ZNF385D: variants seen among roughly 807,000 people sequenced by gnomAD.
ZNF385D encodes the protein zinc finger protein 659.
A neutral mutation model predicts 35.8 loss-of-function variants in ZNF385D; 15 were observed. The ratio of observed to expected loss-of-function variants is 0.42; its 90% CI spans 0.28 to 0.64. ZNF385D has a LOEUF of 0.64. Among genes scored for constraint, ZNF385D ranks in the 30% least tolerant of loss-of-function variants. ZNF385D has a pLI of 0.23. For synonymous variants in ZNF385D, 212 were observed against 186.8 expected (o/e 1.13, Z -1.10); for missense variants, 474 against 494.6 (o/e 0.96, Z 0.39).
intron 3 of ZNF385D, among the ~76,000 whole-genome samples, chr3:22,073,857 T>C (rs1700342182): frequency 6.6e-6 from 1 of 152,004 alleles, no homozygotes; most frequent in Non-Finnish European, 1.5e-5. Context: ...CATTTTCTCT[T>C]TTATAAAACA....
At chr3:21,720,188 G>C (rs538696520) in intron 1 of ZNF385D, among the ~76,000 whole-genome samples, 1 of 152,300 alleles carries the variant, frequency 6.6e-6, no homozygotes, top group Non-Finnish European at 1.5e-5. Context: ...CCAAGGCTGA[G>C]AGCCACTGGC....
At chr3:21,431,674 A>T (rs1701300050) in intron 5 of ZNF385D, among the ~76,000 whole-genome samples, 1 of 152,142 alleles carries the variant, frequency 6.6e-6, no homozygotes. Flanking sequence ...TTTCATCATC[A>T]TTTGTAGAAA....
intron 2 of ZNF385D, among the ~76,000 whole-genome samples, chr3:21,565,004 T>C (rs1467115451): frequency 1.3e-5 from 2 of 152,214 alleles, no homozygotes; most frequent in African/African-American, 2.4e-5. Flanking sequence ...ATTCAAGTTA[T>C]TGCTAATGCC....
intron 1 of ZNF385D, among the ~76,000 whole-genome samples, chr3:21,686,481 A>G (rs1271918670): frequency 6.6e-6 from 1 of 152,248 alleles, no homozygotes; most frequent in Non-Finnish European, 1.5e-5. Context: ...TGAGTCACAT[A>G]TGCATTTTTG....
chr3:21,829,994 G>A (rs1375002561), intron 3 of ZNF385D, among the ~76,000 whole-genome samples: 1 of 151,846 alleles, frequency 6.6e-6, no homozygotes, highest in African/African-American at 2.4e-5. Context: ...CCTGATGGCA[G>A]GCGCCTTTAA....
chr3:21,843,986 A>G (rs1247277760), intron 3 of ZNF385D, among the ~76,000 whole-genome samples: 4 of 151,988 alleles, frequency 2.6e-5, no homozygotes, highest in African/African-American at 9.7e-5. Context: ...AAATAAATAT[A>G]AAATAACATA....
At chr3:22,371,954 AAAGG>A (rs772465104) in intron 2 of ZNF385D, among the ~76,000 whole-genome samples, 13 of 152,262 alleles carry the variant, frequency 8.5e-5, no homozygotes, top group Non-Finnish European at 1.5e-4. Context: ...AAGGAAATGA[AAAGG>A]AAGCAGGAAG....
intron 1 of ZNF385D, among the ~76,000 whole-genome samples, chr3:21,725,184 C>T (rs776904179): frequency 7.2e-5 from 11 of 151,948 alleles, no homozygotes; most frequent in Non-Finnish European, 1.0e-4. Context: ...TTTAAAGCAG[C>T]GTGTAGAGGG....
chr3:22,146,399 T>C (rs900923000), intron 3 of ZNF385D, among the ~76,000 whole-genome samples: 4 of 152,222 alleles, frequency 2.6e-5, no homozygotes, highest in South Asian at 2.1e-4. Flanking sequence ...GTGGGTTGTA[T>C]AGAATGAATT....
In ZNF385D at chr3:21,412,634, AAG is replaced by A. The variant is rs1414814731; in HGVS notation, c.*8578_*8579del. 1 of 152,116 alleles carries A rather than the reference AAG, an allele frequency of 6.6e-6. No individual in the cohort carries two copies. Among genetic ancestry groups the A allele is most frequent in the Non-Finnish European group, 1.5e-5 (1 of 67,986 alleles). The allele number at this position is 152,116 out of a possible 1,614,324, so 9.4% of individuals were successfully genotyped here. ...TACCTGGACAATTTTGATATTGTCAAAGAGAGAGGATATAATGGCTAAGGATG... is the reference window on the plus strand; with the variant it reads ...TACCTGGACAATTTTGATATTGTCAAAGAGAGGATATAATGGCTAAGGATG... On this transcript the variant is annotated 3_prime_UTR_variant, in exon 8 of 8. Transcript: ENST00000281523.
At chr3:21,830,656 G>A (rs930663653) in intron 3 of ZNF385D, among the ~76,000 whole-genome samples, 1 of 152,144 alleles carries the variant, frequency 6.6e-6, no homozygotes, top group African/African-American at 2.4e-5. Context: ...CTTCCTCACA[G>A]TATCTTTATT....
intron 2 of ZNF385D, among the ~76,000 whole-genome samples, chr3:21,655,417 T>C (rs1174941877): frequency 6.6e-6 from 1 of 152,038 alleles, no homozygotes; most frequent in Non-Finnish European, 1.5e-5. Context: ...AAAGCCTAAA[T>C]TGTTACTGAA....
Position 21,591,492 on chromosome 3 carries a change from A to G in ZNF385D, c.166-26808T>C, listed in dbSNP as rs564628832. Among the ~76,000 whole-genome samples, 10 of 152,288 alleles carry G rather than the reference A, an allele frequency of 6.6e-5. 1 individual carries two copies. Among genetic ancestry groups the G allele is most frequent in the African/African-American group, 2.2e-4 (9 of 41,570 alleles). On this transcript the variant is annotated intron_variant, in intron 2 of 7. Transcript: ENST00000281523. The stretch of plus-strand genomic sequence containing the variant: ...AAGATTTACCTTTAATGAGTTGATT[A>G]TAATGATTAATTACTATAATAATTA...
Position 21,420,978 on chromosome 3 carries a change from C to A in ZNF385D, c.*236G>T. On this transcript the variant is annotated 3_prime_UTR_variant, in exon 8 of 8. Transcript: ENST00000281523. The stretch of plus-strand genomic sequence containing the variant: ...ACCACTACAAATCAATGCTGGAGAT[C>A]ACTTCTAAAACAATCAGCGTTCAAG... 1 of 501,910 alleles carries A rather than the reference C, an allele frequency of 2.0e-6. No homozygotes were observed. Among genetic ancestry groups the A allele is most frequent in the Non-Finnish European group, 3.6e-6 (1 of 279,724 alleles). 31.1% of individuals were successfully genotyped at this position (501,910 alleles called of 1,614,324 possible).
At chr3:21,920,814 A>G (rs936804801) in intron 3 of ZNF385D, among the ~76,000 whole-genome samples, 4 of 152,172 alleles carry the variant, frequency 2.6e-5, no homozygotes, top group Admixed American at 2.6e-4. Context: ...TTATGACAAC[A>G]ATCTTGCAGA....
intron 2 of ZNF385D, among the ~76,000 whole-genome samples, chr3:22,210,183 C>T (rs1464528387): frequency 6.6e-6 from 1 of 151,710 alleles, no homozygotes; most frequent in Admixed American, 6.6e-5. Flanking sequence ...TGCTTAACGC[C>T]CATTTAGAGA....
intron 3 of ZNF385D, among the ~76,000 whole-genome samples, chr3:21,810,538 G>C (rs1052599553): frequency 6.6e-6 from 1 of 151,782 alleles, no homozygotes; most frequent in Non-Finnish European, 1.5e-5. Context: ...AACTATATAT[G>C]TGTGTGTATG....
intron 3 of ZNF385D, among the ~76,000 whole-genome samples, chr3:21,518,138 C>T (rs1707692713): frequency 6.6e-6 from 1 of 152,108 alleles, no homozygotes; most frequent in African/African-American, 2.4e-5. Context: ...GAAGTCCAGG[C>T]TTCTTAAGAT....
chr3:22,143,130 T>G (rs1402953771), intron 3 of ZNF385D, among the ~76,000 whole-genome samples: 1 of 150,882 alleles, frequency 6.6e-6, no homozygotes, highest in African/African-American at 2.4e-5. Context: ...TCGCCCAGGC[T>G]GGAGTGCAGT....
Sources: gnomAD v4.1 joint callset for allele counts (sites outside exome capture counted in the v4.1 genomes callset) on GRCh38, gnomAD v4.1.1 for gene constraint, MANE v1.5 for transcripts, NCBI Gene and HGNC (gene_info 2026-07-23, HGNC 2026-07-21) for gene names.